ADGRE3: variants seen among roughly 807,000 people sequenced by gnomAD.
ADGRE3 encodes adhesion G protein-coupled receptor E3.
In ADGRE3, 88 loss-of-function variants were observed where a neutral mutation model predicts 80.1. The observed-to-expected ratio is 1.10, with a 90% CI of 0.93 to 1.31. The LOEUF (loss-of-function observed/expected upper bound fraction) is 1.31. Among genes scored for constraint, ADGRE3 ranks in the 40% most tolerant of loss-of-function variants. The pLI is 0.00. For missense variants in ADGRE3, 715 were observed against 776.5 expected (o/e 0.92, Z 0.94); for synonymous variants, 281 against 294.8 (o/e 0.95, Z 0.48).
the ADGRE3 span, among the ~76,000 whole-genome samples, chr19:14,608,628 A>ATTTTTTTTTTTTTTTTTT: frequency 8.4e-6 from 1 of 119,748 alleles, no homozygotes; most frequent in Non-Finnish European, 1.7e-5. Flanking sequence ...ATGAGGAAGA[A>ATTTTTTTTTTTTTTTTTT]TTTTTTTTTT....
chr19:14,640,731 G>C (rs1479988823), intron 10 of ADGRE3, among the ~76,000 whole-genome samples: 1 of 152,156 alleles, frequency 6.6e-6, no homozygotes, highest in African/African-American at 2.4e-5. Context: ...TTGTGGGGAG[G>C]ACCCGGTGGG....
intron 7 of ADGRE3, among the ~76,000 whole-genome samples, chr19:14,650,280 CTG>C (rs1971552799): frequency 1.3e-5 from 2 of 151,006 alleles, no homozygotes; most frequent in Admixed American, 1.3e-4. Context: ...CTCCCCATCT[CTG>C]TCTTTCCACC....
chr19:14,640,573 G>A (rs1420842841), intron 10 of ADGRE3, among the ~76,000 whole-genome samples: 1 of 147,516 alleles, frequency 6.8e-6, no homozygotes, highest in Non-Finnish European at 1.5e-5. Flanking sequence ...TTACAGGTGT[G>A]AGCCACTGTG....
chr19:14,632,851 G>T, intron 13 of ADGRE3, 70 bp downstream of exon 13: 1 of 983,196 alleles, frequency 1.0e-6, no homozygotes, highest in Non-Finnish European at 1.6e-6. Context: ...TTGAATGTAC[G>T]TGTGTATGGA....
intron 11 of ADGRE3, among the ~76,000 whole-genome samples, chr19:14,636,168 T>G (rs914510167): frequency 9.9e-5 from 6 of 60,526 alleles, no homozygotes; most frequent in Non-Finnish European, 1.9e-4. Context: ...CCTCCTTTCC[T>G]TTCCTTTCCT....
chr19:14,656,423 G>C (rs1971766749), intron 5 of ADGRE3, among the ~76,000 whole-genome samples: 1 of 151,688 alleles, frequency 6.6e-6, no homozygotes, highest in Non-Finnish European at 1.5e-5. Context: ...CGAGAGAGAG[G>C]GATGCCCGAA....
chr19:14,674,607 A>G (rs1016359719), intron 1 of ADGRE3, 139 bp downstream of exon 1: 6 of 775,724 alleles, frequency 7.7e-6, no homozygotes, highest in African/African-American at 7.0e-5. Flanking sequence ...GTAGTCAGGA[A>G]GGAAACCACA....
At chr19:14,657,520 C>T (rs992185042) in intron 5 of ADGRE3, among the ~76,000 whole-genome samples, 18 of 151,076 alleles carry the variant, frequency 1.2e-4, no homozygotes, top group African/African-American at 4.4e-4. Flanking sequence ...TATGTACGTA[C>T]ATGCACACTG....
intron 15 of ADGRE3, among the ~76,000 whole-genome samples, chr19:14,620,415 T>TTCATGTATATATGAATATATATGTATAG: frequency 8.4e-6 from 1 of 119,122 alleles, no homozygotes. Context: ...TATATGTATA[T>TTCATGTATATATGAATATATATGTATAG]TCATGTATAT....
At position 14,661,133 on chromosome 19, in the gene ADGRE3, G is replaced by A. The variant is rs547043681; in HGVS notation, c.355+830C>T. On this transcript the variant is annotated intron_variant, in intron 4 of 15. Transcript: ENST00000253673. The stretch of plus-strand genomic sequence containing the variant: ...ATTTTTGTATTTTTAGTAGAAATGG[G>A]GTTTCGCCATGTTGGCCATGCTGGT... 2.6e-5 allele frequency among the ~76,000 whole-genome samples: 4 copies of A among 152,098 alleles called. No homozygotes were observed. In the South Asian group the frequency reaches 8.3e-4, roughly 32 times the overall value.
chr19:14,607,814 G>A, the ADGRE3 span, among the ~76,000 whole-genome samples: 3 of 151,896 alleles, frequency 2.0e-5, no homozygotes, highest in Admixed American at 6.6e-5. Context: ...GACCTCAGGT[G>A]ATCTGCCCAC....
chr19:14,661,356 C>T (rs1024473882), intron 4 of ADGRE3, among the ~76,000 whole-genome samples: 5 of 152,220 alleles, frequency 3.3e-5, no homozygotes, highest in African/African-American at 9.6e-5. Flanking sequence ...GAGATGCACC[C>T]TGGGGGTGTT....
the ADGRE3 span, among the ~76,000 whole-genome samples, chr19:14,602,548 C>G: frequency 6.6e-6 from 1 of 152,138 alleles, no homozygotes; most frequent in African/African-American, 2.4e-5. Context: ...CCGCCTTCAC[C>G]TCCCAAAGTG....
chr19:14,645,074 T>C (rs1971361269), intron 8 of ADGRE3, among the ~76,000 whole-genome samples: 1 of 152,084 alleles, frequency 6.6e-6, no homozygotes, highest in Non-Finnish European at 1.5e-5. Flanking sequence ...CGCAGCTCTT[T>C]TGGGATTTTA....
At chr19:14,605,386 G>A in the ADGRE3 span, among the ~76,000 whole-genome samples, 89 of 151,962 alleles carry the variant, frequency 5.9e-4, no homozygotes, top group South Asian at 0.017. Flanking sequence ...ATGAGCCACC[G>A]CGCCCGGCCA....
intron 13 of ADGRE3, among the ~76,000 whole-genome samples, chr19:14,631,556 A>C (rs1970882230): frequency 6.6e-6 from 1 of 151,222 alleles, no homozygotes; most frequent in Admixed American, 6.6e-5. Context: ...ACAACATATA[A>C]TCACAATATA....
chr19:14,647,005 T>C (rs1406902918), intron 8 of ADGRE3, among the ~76,000 whole-genome samples, 176 bp downstream of exon 8: 1 of 152,138 alleles, frequency 6.6e-6, no homozygotes, highest in African/African-American at 2.4e-5. Context: ...AATCTGGAAA[T>C]ACTGTCTTCA....
chr19:14,641,193 T>C (rs181027221), intron 10 of ADGRE3, among the ~76,000 whole-genome samples: 14 of 152,340 alleles, frequency 9.2e-5, no homozygotes, highest in African/African-American at 2.9e-4. Context: ...ATCTCCCATG[T>C]ATATATGAAA....
At chr19:14,664,960 A>C (rs796787410) in intron 2 of ADGRE3, among the ~76,000 whole-genome samples, 3 of 151,716 alleles carry the variant, frequency 2.0e-5, no homozygotes, top group African/African-American at 7.3e-5. Context: ...TCTTTACGTT[A>C]TAGGAACATA....
Sources: gnomAD v4.1 joint callset for allele counts (sites outside exome capture counted in the v4.1 genomes callset) on GRCh38, gnomAD v4.1.1 for gene constraint, MANE v1.5 for transcripts, NCBI Gene and HGNC (gene_info 2026-07-23, HGNC 2026-07-21) for gene names.